ITPKB: variants seen among roughly 807,000 people sequenced by gnomAD.
ITPKB encodes the protein inositol-trisphosphate 3-kinase B, also known as IP3 3-kinase B.
ITPKB carries 13 observed loss-of-function variants against 69.4 expected under a neutral mutation model. The ratio of observed to expected loss-of-function variants is 0.19; its 90% CI spans 0.12 to 0.30. The LOEUF (loss-of-function observed/expected upper bound fraction) is 0.30. Among genes scored for constraint, ITPKB ranks in the 10% least tolerant of loss-of-function variants. The pLI is 1.00. For missense variants in ITPKB, 1,240 were observed against 1,250.5 expected (o/e 0.99, Z 0.13); for synonymous variants, 584 against 513.7 (o/e 1.14, Z -1.85).
At chr1:226,640,657 A>G (rs1668943103) in intron 5 of ITPKB, among the ~76,000 whole-genome samples, 1 of 152,184 alleles carries the variant, frequency 6.6e-6, no homozygotes, top group African/African-American at 2.4e-5. Flanking sequence ...GTGAAGGGAA[A>G]GTGGATTGTT....
At chr1:226,737,707 C>CG (rs921474522) in intron 1 of ITPKB, 44 bp from the exon 2 acceptor site, 13 of 629,066 alleles carry the variant, frequency 2.1e-5, no homozygotes, top group African/African-American at 3.9e-5. Flanking sequence ...GGAGGGCGCG[C>CG]GGGGGGAGTT....
rs752409559 is a variant in ITPKB, at chr1:226,736,091, G to A, written c.1368C>T (p.Ser456=). Residue 456 remains serine (S), a synonymous_variant, in exon 2 of 8, where the codon AGC becomes AGT. Coordinates refer to ENST00000429204, the MANE Select transcript of ITPKB (RefSeq NM_002221.4). The part of the protein sequence containing the change: ...GSPTLGLLGG[S]PSAQPGTGNV... The stretch of plus-strand genomic sequence containing the variant: ...TCCCGGTCCCCGGCTGTGCTGAGGG[G>A]CTGCCCCCAAGCAAGCCCAGCGTTG... 8.1e-5 allele frequency: 130 copies of A among 1,609,304 alleles called. No homozygotes were observed. The highest frequency in any genetic ancestry group is 1.1e-4 in the Non-Finnish European group (126 of 1,177,516).
At chr1:226,646,325 C>T (rs966127950) in intron 4 of ITPKB, among the ~76,000 whole-genome samples, 1 of 152,190 alleles carries the variant, frequency 6.6e-6, no homozygotes, top group African/African-American at 2.4e-5. Context: ...AGGAGCCGTG[C>T]TGTGGATGAC....
At chr1:226,685,190 G>C (rs570009321) in intron 2 of ITPKB, among the ~76,000 whole-genome samples, 1 of 152,142 alleles carries the variant, frequency 6.6e-6, no homozygotes, top group African/African-American at 2.4e-5. Context: ...CTCCATCTGC[G>C]GACGCCCCTT....
intron 4 of ITPKB, among the ~76,000 whole-genome samples, chr1:226,644,879 C>T (rs1016561681): frequency 5.9e-5 from 9 of 152,222 alleles, no homozygotes; most frequent in Admixed American, 1.3e-4. Context: ...TCTGGATGAA[C>T]GCATTTGGGG....
rs1043432820 is a variant in ITPKB, at chr1:226,738,410, C to T, written c.-206+631G>A. Among the ~76,000 whole-genome samples the T allele has an allele frequency of 3.9e-5, 6 of 152,210 alleles. No individual in the cohort carries two copies. Among genetic ancestry groups the T allele is most frequent in the Admixed American group, 6.5e-5 (1 of 15,290 alleles). The stretch of plus-strand genomic sequence containing the variant: ...CCGAGGTTCTACACGTTCTCTTTAC[C>T]GGAACCAGTACTTGCTGCCCCCCTG... On this transcript the variant is annotated intron_variant, in intron 1 of 7. Coordinates refer to ENST00000429204, the MANE Select transcript of ITPKB (RefSeq NM_002221.4). This position sits in a 1 kb window ranked among gnomAD's most constrained non-coding sequence, Gnocchi z 4.2.
At chr1:226,714,716 C>T (rs8179348) in intron 2 of ITPKB, among the ~76,000 whole-genome samples, 2 of 152,224 alleles carry the variant, frequency 1.3e-5, no homozygotes, top group Admixed American at 1.3e-4. Context: ...CTCCACCACC[C>T]TAGGTAGTGT....
chr1:226,670,917 G>A (rs955829212), intron 2 of ITPKB, among the ~76,000 whole-genome samples: 9 of 152,160 alleles, frequency 5.9e-5, no homozygotes, highest in Non-Finnish European at 1.3e-4. Flanking sequence ...CGAAATTTCT[G>A]TAGCCTGGTT....
intron 2 of ITPKB, among the ~76,000 whole-genome samples, chr1:226,715,850 G>A (rs10916028): frequency 0.12 from 18,015 of 152,108 alleles, 1,302 homozygotes; most frequent in East Asian, 0.31. Flanking sequence ...TCGCTCTGTC[G>A]CCCAGACTGG....
At chr1:226,686,450 T>C (rs1332079081) in intron 2 of ITPKB, among the ~76,000 whole-genome samples, 1 of 152,220 alleles carries the variant, frequency 6.6e-6, no homozygotes, top group Non-Finnish European at 1.5e-5. Flanking sequence ...AGTCCAGAGT[T>C]TGACCTTTGG....
At chr1:226,699,051 C>G (rs542447016) in intron 2 of ITPKB, among the ~76,000 whole-genome samples, 2 of 152,238 alleles carry the variant, frequency 1.3e-5, no homozygotes, top group African/African-American at 4.8e-5. Flanking sequence ...CCATGGCCCT[C>G]TGGCCTCCCC....
intron 2 of ITPKB, among the ~76,000 whole-genome samples, chr1:226,689,138 C>T (rs1558086058): frequency 6.6e-6 from 1 of 152,176 alleles, no homozygotes; most frequent in Non-Finnish European, 1.5e-5. Context: ...TTTAAAGTTC[C>T]AACCAATAAT....
chr1:226,699,104 A>G (rs1413509855), intron 2 of ITPKB, among the ~76,000 whole-genome samples: 1 of 152,224 alleles, frequency 6.6e-6, no homozygotes, highest in East Asian at 1.9e-4. Flanking sequence ...CTGGCTTTCT[A>G]GTATGCTGAT....
chr1:226,638,163 G>C (rs1395516621), intron 6 of ITPKB, among the ~76,000 whole-genome samples: 1 of 152,190 alleles, frequency 6.6e-6, no homozygotes, highest in Non-Finnish European at 1.5e-5. Context: ...AGCTGGCCGG[G>C]CCAGCCGAGC....
rs944049637 is a variant in ITPKB, at chr1:226,738,621, C to G, written c.-206+420G>C. Among the ~76,000 whole-genome samples the G allele has an allele frequency of 2.0e-5, 3 of 152,172 alleles. No homozygotes were observed. Among genetic ancestry groups the G allele is most frequent in the Admixed American group, 6.5e-5 (1 of 15,288 alleles). On this transcript the variant is annotated intron_variant, in intron 1 of 7. Coordinates refer to ENST00000429204, the MANE Select transcript of ITPKB (RefSeq NM_002221.4). This position sits in a 1 kb window ranked among gnomAD's most constrained non-coding sequence, Gnocchi z 4.2. ...AGGGGCGTGCATGGCTGCAGCCGGGCAGCAGCCCTAGGTGCACAGAGCCTC... is the reference window on the plus strand; with the variant it reads ...AGGGGCGTGCATGGCTGCAGCCGGGGAGCAGCCCTAGGTGCACAGAGCCTC...
chr1:226,656,170 G>A (rs190765639), intron 2 of ITPKB, among the ~76,000 whole-genome samples: 1 of 152,286 alleles, frequency 6.6e-6, no homozygotes, highest in African/African-American at 2.4e-5. Flanking sequence ...CTTCCAAAGA[G>A]CCCTGGGCAC....
rs1331006941 is a variant in ITPKB at position 226,735,649 on chromosome 1, A to C, written c.1810T>G (p.Ser604Ala). The part of the protein sequence containing the change: ...PLRKLSSSSA[S>A]STGFSSSYED... ...TAGGATGAGGAGAAGCCCGTGGAGGAGGCCGAGGAAGAGGACAGTTTCCTC... is the reference window on the plus strand; with the variant it reads ...TAGGATGAGGAGAAGCCCGTGGAGGCGGCCGAGGAAGAGGACAGTTTCCTC... The change falls in exon 2 of 8, where the codon TCC (serine) becomes GCC (alanine). Residue 604 changes from serine to alanine, a missense_variant. By Grantham distance (99) the Ser-to-Ala change is moderately conservative. Around this residue, in one of 2 missense-constraint regions of ITPKB, gnomAD observed 992 missense variants for 853.8 expected, o/e 1.16. Coordinates refer to ENST00000429204, the MANE Select transcript of ITPKB (RefSeq NM_002221.4). 1.2e-6 allele frequency: 2 copies of C among 1,611,774 alleles called. No individual in the cohort carries two copies. Among genetic ancestry groups the C allele is most frequent in the Non-Finnish European group, 1.7e-6 (2 of 1,178,730 alleles).
At chr1:226,660,901 C>A (rs1669392007) in intron 2 of ITPKB, among the ~76,000 whole-genome samples, 1 of 152,248 alleles carries the variant, frequency 6.6e-6, no homozygotes, top group Admixed American at 6.5e-5. Context: ...TAAGGGCCAC[C>A]CCTGCAACAC....
intron 2 of ITPKB, among the ~76,000 whole-genome samples, chr1:226,730,748 G>T (rs1376408906): frequency 6.6e-6 from 1 of 151,720 alleles, no homozygotes; most frequent in Non-Finnish European, 1.5e-5. Context: ...AATAAAATAA[G>T]CCTAAACAAT....
Sources: gnomAD v4.1 joint callset for allele counts (sites outside exome capture counted in the v4.1 genomes callset) on GRCh38, gnomAD v4.1.1 for gene constraint, gnomAD v4.1.1 regional missense constraint, Gnocchi (gnomAD v3.1) non-coding constraint, MANE v1.5 for transcripts, NCBI Gene and HGNC (gene_info 2026-07-23, HGNC 2026-07-21) for gene names.